Variants in PIP observed in about 807,000 individuals in gnomAD.
The protein encoded by PIP is prolactin-inducible protein.
Under a neutral mutation model 12.8 loss-of-function variants are expected in PIP, and 9 were observed. The observed-to-expected ratio is 0.70, with a 90% CI of 0.42 to 1.23. The LOEUF (loss-of-function observed/expected upper bound fraction) is 1.23, where lower values mean the gene tolerates loss of function less well. PIP is among the 50% of genes most tolerant of loss of function. The pLI is 0.00. For synonymous variants in PIP, 60 were observed against 66.1 expected, an observed-to-expected ratio of 0.91 and a Z score of 0.45; for missense variants, 172 against 179.5, an observed-to-expected ratio of 0.96 and a Z score of 0.24.
At chr7:143,137,251 A>T (rs575776301) in intron 2 of PIP, among the ~76,000 whole-genome samples, 19 of 152,122 alleles carry the variant, frequency 1.2e-4, no homozygotes, top group Non-Finnish European at 2.5e-4. Context: ...ATTTATCAGA[A>T]AATTGCTTCT....
intron 3 of PIP, 84 bp downstream of exon 3, chr7:143,139,273 C>G: frequency 2.2e-6 from 2 of 923,256 alleles, no homozygotes; most frequent in East Asian, 2.4e-5. Context: ...GGCTGCGAAC[C>G]GAGCAGGACC....
chr7:143,134,888 A>C (rs1378988921), intron 1 of PIP, among the ~76,000 whole-genome samples: 1 of 151,868 alleles, frequency 6.6e-6, no homozygotes, highest in Non-Finnish European at 1.5e-5. Flanking sequence ...CTAAATAATG[A>C]CTTCTTTTCC....
At chr7:143,139,289 C>T (rs1799343250) in intron 3 of PIP, 100 bp downstream of exon 3, 1 of 878,188 alleles carries the variant, frequency 1.1e-6, no homozygotes, top group East Asian at 2.4e-5. Context: ...GGACCAGGAC[C>T]TCAGGGCAGA....
Position 143,134,236 on chromosome 7 carries a change from C to A in PIP, c.96-958C>A, listed in dbSNP as rs1453781673. ...TATATATATATATATATATATATAC[C>A]ACAGTTTCTTTATCCACTCGTTGAT... On this transcript the variant is annotated intron_variant, in intron 1 of 3. Transcript: ENST00000291009. Among the ~76,000 whole-genome samples the A allele has an allele frequency of 7.5e-4, 59 of 79,100 alleles. 2 individuals are homozygous for A. The highest frequency in any genetic ancestry group is 0.01 in the Middle Eastern group (1 of 100). The allele number at this position is 79,100 out of a possible 152,430, so 51.9% of individuals were successfully genotyped here. A position where few individuals can be genotyped will look rare whatever the true frequency, so the allele number is the denominator to read the frequency against.
intron 3 of PIP, 143 bp from the exon 4 acceptor site, chr7:143,139,375 G>T: frequency 9.7e-7 from 1 of 1,034,390 alleles, no homozygotes; most frequent in Non-Finnish European, 1.4e-6. Flanking sequence ...CAGAGGCATT[G>T]AGTGCAAAAA....
intron 2 of PIP, among the ~76,000 whole-genome samples, chr7:143,138,484 C>A (rs925123666): frequency 6.6e-6 from 1 of 152,048 alleles, no homozygotes; most frequent in African/African-American, 2.4e-5. Flanking sequence ...GCAAAGCACT[C>A]AAGTTAAAAA....
chr7:143,137,026 C>A (rs979662258), intron 2 of PIP, among the ~76,000 whole-genome samples: 1 of 151,416 alleles, frequency 6.6e-6, no homozygotes, highest in Admixed American at 6.6e-5. Flanking sequence ...CATTTTTTAT[C>A]ATTTATAATG....
In PIP at chr7:143,139,699, G is replaced by A; in HGVS notation, c.*57G>A. On this transcript the variant is annotated 3_prime_UTR_variant, in exon 4 of 4. Coordinates refer to ENST00000291009, the MANE Select transcript of PIP (RefSeq NM_002652.3). ...GATTTCCTCTAAAGAAACTTGGCTG[G>A]AATTTCTGCTGTGGTCTATAAAATA... is the stretch of plus-strand genomic sequence containing the variant. 5 of 1,535,028 alleles carry A rather than the reference G, an allele frequency of 3.3e-6. No individual in the cohort carries two copies. The highest frequency in any genetic ancestry group is 4.5e-6 in the Non-Finnish European group (5 of 1,115,156).
intron 2 of PIP, among the ~76,000 whole-genome samples, chr7:143,138,737 G>T (rs1206883619): frequency 6.6e-6 from 1 of 152,244 alleles, no homozygotes; most frequent in South Asian, 2.1e-4. Flanking sequence ...ATTGCAGGTC[G>T]ATTCCTGAAA....
intron 2 of PIP, among the ~76,000 whole-genome samples, chr7:143,137,170 T>G (rs528099961): frequency 2.6e-5 from 4 of 152,184 alleles, no homozygotes; most frequent in African/African-American, 9.6e-5. Context: ...GAAGGAAACT[T>G]GTGGCAAAAA....
chr7:143,132,513 T>C (rs1178966615), intron 1 of PIP, among the ~76,000 whole-genome samples: 1 of 152,176 alleles, frequency 6.6e-6, no homozygotes, highest in Non-Finnish European at 1.5e-5. Context: ...TTGTTCATAA[T>C]TTATACCTTT....
intron 2 of PIP, among the ~76,000 whole-genome samples, chr7:143,137,553 T>C (rs754328891): frequency 2.6e-5 from 4 of 152,226 alleles, no homozygotes; most frequent in African/African-American, 9.6e-5. Context: ...TCTTTTATTG[T>C]ACAAGTGGTG....
In PIP at chr7:143,132,194, C is replaced by G. The variant is rs367680918; in HGVS notation, c.78C>G (p.Asn26Lys). ...TTCTCTGCCTGCAGTTGGGGGCCAA[C>G]AAAGCTCAGGACAACACGTGAGCCA... ...LLVLCLQLGA[N>K]KAQDNTRKII... Residue 26 changes from asparagine to lysine, a missense_variant, in exon 1 of 4, where the codon AAC becomes AAG. Asn to Lys is a moderately conservative substitution (Grantham distance 94). Transcript: ENST00000291009. 1.2e-6 allele frequency: 2 copies of G among 1,613,622 alleles called. No individual in the cohort carries two copies. Among genetic ancestry groups the G allele is most frequent in the Admixed American group, 1.7e-5 (1 of 60,020 alleles).
At chr7:143,134,872 T>G (rs1203753869) in intron 1 of PIP, among the ~76,000 whole-genome samples, 1 of 152,010 alleles carries the variant, frequency 6.6e-6, no homozygotes, top group Non-Finnish European at 1.5e-5. Flanking sequence ...TGTGCAAGTA[T>G]CTTTTCTAAA....
In PIP at chr7:143,135,329, A is replaced by C. The variant is rs3751282; in HGVS notation, c.201+30A>C. ...GTAGAGGACTGGGGGCGTGACTTCA[A>C]AAGATAATTCAACTCCTTGATTATA... On this transcript the variant is annotated intron_variant, in intron 2 of 3. Transcript: ENST00000291009. 171 of 1,000,564 alleles carry C rather than the reference A, an allele frequency of 1.7e-4. No individual in the cohort carries two copies. The East Asian group carries it at 3.7e-3, about 22-fold the overall frequency. 62.0% of individuals were successfully genotyped at this position (1,000,564 alleles called of 1,614,324 possible).
chr7:143,134,183 C>CATATATAT (rs60656573), intron 1 of PIP, among the ~76,000 whole-genome samples: 25 of 41,660 alleles, frequency 6.0e-4, no homozygotes, highest in East Asian at 1.7e-3. Context: ...AGTATTCCAT[C>CATATATAT]ATATATATAT....
chr7:143,139,524 T>C lies in PIP; in HGVS notation c.323T>C (p.Val108Ala). ...FYWDFYTNRT[V>A]QIAAVVDVIR... is the part of the protein sequence containing the mutation. ...CCGTCCCTGTCTTTTTCAGGAACTG[T>C]GCAAATTGCAGCCGTCGTTGATGTT... The change falls in exon 4 of 4, where the codon GTG becomes GCG. Residue 108 changes from valine to alanine, a missense_variant. Transcript: ENST00000291009. The C allele has an allele frequency of 6.2e-7, 1 of 1,613,494 alleles. No homozygotes were observed. The highest frequency in any genetic ancestry group is 8.5e-7 in the Non-Finnish European group (1 of 1,179,460).
chr7:143,133,975 C>G (rs914407464), intron 1 of PIP, among the ~76,000 whole-genome samples: 1 of 151,264 alleles, frequency 6.6e-6, no homozygotes, highest in African/African-American at 2.4e-5. Flanking sequence ...CCCTCTCCCA[C>G]TCTTCCCCGC....
intron 1 of PIP, 110 bp from the exon 2 acceptor site, chr7:143,135,084 T>C (rs1799292392): frequency 2.0e-5 from 11 of 561,398 alleles, no homozygotes; most frequent in Middle Eastern, 2.7e-4. Context: ...CCAAGCCCCA[T>C]AATTTCCCTC....
Sources: gnomAD v4.1 joint callset for allele counts (sites outside exome capture counted in the v4.1 genomes callset) on GRCh38, gnomAD v4.1.1 for gene constraint, MANE v1.5 for transcripts, NCBI Gene and HGNC (gene_info 2026-07-23, HGNC 2026-07-21) for gene names.